Variants in RIGI observed in about 807,000 individuals in gnomAD.
The protein encoded by RIGI is antiviral innate immune response receptor RIG-I.
the RIGI span, among the ~76,000 whole-genome samples, chr9:32,518,987 GGCCTGAGCCACCAC>G: frequency 1.3e-5 from 2 of 152,188 alleles, no homozygotes; most frequent in Non-Finnish European, 2.9e-5. Flanking sequence ...TGAGATTACA[GGCCTGAGCCACCAC>G]GCCCAGCCTA....
chr9:32,520,072 T>C, the RIGI span, among the ~76,000 whole-genome samples: 1 of 152,300 alleles, frequency 6.6e-6, no homozygotes, highest in East Asian at 1.9e-4. Context: ...ACTTTTTAAA[T>C]GAAAGATTTA....
chr9:32,510,616 C>A, the RIGI span, among the ~76,000 whole-genome samples: 1 of 152,284 alleles, frequency 6.6e-6, no homozygotes, highest in Admixed American at 6.5e-5. Flanking sequence ...AAAACTGGTA[C>A]CAGCCACTGC....
the RIGI span, among the ~76,000 whole-genome samples, chr9:32,502,453 A>C: frequency 6.6e-6 from 1 of 152,206 alleles, no homozygotes; most frequent in Non-Finnish European, 1.5e-5. Flanking sequence ...AAGGAGCTGC[A>C]CCATCTTACA....
chr9:32,509,726 C>T, the RIGI span, among the ~76,000 whole-genome samples: 324 of 152,004 alleles, frequency 2.1e-3, no homozygotes, highest in African/African-American at 2.8e-3. Context: ...CAAAACTGGA[C>T]GGAGAATGAG....
the RIGI span, among the ~76,000 whole-genome samples, chr9:32,508,613 G>A: frequency 1.3e-5 from 2 of 152,122 alleles, no homozygotes; most frequent in Admixed American, 6.5e-5. Context: ...CAGCAGACCA[G>A]GAGATTCCCT....
At chr9:32,495,691 G>A in the RIGI span, among the ~76,000 whole-genome samples, 2 of 124,880 alleles carry the variant, frequency 1.6e-5, no homozygotes, top group East Asian at 2.4e-4. Flanking sequence ...ATGGAGTCTC[G>A]CTCTGTCACC....
chr9:32,502,592 G>A, the RIGI span, among the ~76,000 whole-genome samples: 1 of 152,166 alleles, frequency 6.6e-6, no homozygotes, highest in Non-Finnish European at 1.5e-5. Flanking sequence ...CAAACCAGGT[G>A]GTTTAAACAA....
the RIGI span, among the ~76,000 whole-genome samples, chr9:32,508,260 C>CTTTTTTTTTT: frequency 1.2e-4 from 1 of 8,068 alleles, no homozygotes; most frequent in African/African-American, 4.8e-4. Context: ...TTTTTTTTTA[C>CTTTTTTTTTT]TATATGAAAA....
the RIGI span, among the ~76,000 whole-genome samples, chr9:32,516,533 AG>A: frequency 6.6e-6 from 1 of 152,204 alleles, no homozygotes; most frequent in Non-Finnish European, 1.5e-5. Context: ...TGCTGCTGCC[AG>A]CCCCAGCTGA....
At chr9:32,472,302 TA>T in the RIGI span, among the ~76,000 whole-genome samples, 2 of 152,226 alleles carry the variant, frequency 1.3e-5, no homozygotes, top group Non-Finnish European at 2.9e-5. Context: ...AAGCATGACT[TA>T]AAAAACAACC....
chr9:32,493,123 G>A, the RIGI span, among the ~76,000 whole-genome samples: 4 of 152,124 alleles, frequency 2.6e-5, no homozygotes, highest in Non-Finnish European at 5.9e-5. Flanking sequence ...AGATCATACC[G>A]CTAGTGGTTG....
At chr9:32,457,057 C>T in the RIGI span, 7 of 1,266,458 alleles carry the variant, frequency 5.5e-6, no homozygotes, top group Non-Finnish European at 7.9e-6. Flanking sequence ...ATTATACCCA[C>T]TATGTTTGTT....
At chr9:32,457,486 A>T in the RIGI span, 1 of 1,245,262 alleles carries the variant, frequency 8.0e-7, no homozygotes, top group Non-Finnish European at 1.1e-6. Flanking sequence ...TGTGATTTAA[A>T]AAAAAAAAAA....
chr9:32,506,494 T>G, the RIGI span, among the ~76,000 whole-genome samples: 6 of 152,214 alleles, frequency 3.9e-5, no homozygotes, highest in East Asian at 1.2e-3. Flanking sequence ...TTTGGTTATT[T>G]CTTAATACAT....
At chr9:32,492,339 G>C in the RIGI span, 1 of 1,601,794 alleles carries the variant, frequency 6.2e-7, no homozygotes, top group Non-Finnish European at 8.5e-7. Context: ...TAAAAGACCG[G>C]TTGGAATGAG....
chr9:32,489,702 A>T, the RIGI span, among the ~76,000 whole-genome samples: 2 of 152,190 alleles, frequency 1.3e-5, no homozygotes, highest in African/African-American at 4.8e-5. Flanking sequence ...ACAATCATGG[A>T]AGGCTAACAG....
chr9:32,524,396 C>T, the RIGI span, among the ~76,000 whole-genome samples: 3 of 152,068 alleles, frequency 2.0e-5, no homozygotes, highest in Non-Finnish European at 2.9e-5. Flanking sequence ...CTTCCAAGTA[C>T]TTCTTCAGGT....
At chr9:32,465,519 G>A in the RIGI span, among the ~76,000 whole-genome samples, 1 of 152,202 alleles carries the variant, frequency 6.6e-6, no homozygotes, top group African/African-American at 2.4e-5. Context: ...GGCGCTAAGA[G>A]ATGCAATGCA....
At chr9:32,504,798 AC>A in the RIGI span, among the ~76,000 whole-genome samples, 1 of 136,586 alleles carries the variant, frequency 7.3e-6, no homozygotes, top group Admixed American at 7.6e-5. Context: ...TATATTTAAT[AC>A]ATAAAATATA....
Sources: gnomAD v4.1 joint callset for allele counts (sites outside exome capture counted in the v4.1 genomes callset) on GRCh38, gnomAD v4.1.1 for gene constraint, MANE v1.5 for transcripts, NCBI Gene and HGNC (gene_info 2026-07-23, HGNC 2026-07-21) for gene names.